DGKI: variants seen among roughly 807,000 people sequenced by gnomAD.
The protein encoded by DGKI is diacylglycerol kinase iota, also known as DAG kinase iota.
In DGKI, 55 loss-of-function variants were observed where a neutral mutation model predicts 147.5. That is an observed-to-expected ratio of 0.37 (90% CI 0.30 to 0.47). The LOEUF is 0.47. DGKI is among the 20% of genes least tolerant of loss of function. DGKI has a pLI of 1.00. For missense variants in DGKI, 1,007 were observed against 1,323.8 expected (o/e 0.76, Z 3.71); for synonymous variants, 469 against 477.1 (o/e 0.98, Z 0.22).
intron 21 of DGKI, among the ~76,000 whole-genome samples, chr7:137,497,058 T>TATTTG (rs1815992040): frequency 6.6e-6 from 1 of 151,124 alleles, no homozygotes; most frequent in Non-Finnish European, 1.5e-5. Context: ...AAATAATGCA[T>TATTTG]CTGACAAACG....
At chr7:137,399,097 T>C (rs983849946) in intron 30 of DGKI, among the ~76,000 whole-genome samples, 2 of 151,476 alleles carry the variant, frequency 1.3e-5, no homozygotes, top group African/African-American at 2.4e-5. Context: ...AACAGCCACC[T>C]ATCTAAATCT....
chr7:137,660,046 T>C (rs1168549257), intron 3 of DGKI, among the ~76,000 whole-genome samples: 1 of 152,190 alleles, frequency 6.6e-6, no homozygotes, highest in Non-Finnish European at 1.5e-5. Flanking sequence ...ATGAAACATG[T>C]TTAAAAATTA....
chr7:137,484,642 T>C (rs1585159956), intron 23 of DGKI, among the ~76,000 whole-genome samples: 1 of 152,038 alleles, frequency 6.6e-6, no homozygotes, highest in Admixed American at 6.6e-5. Flanking sequence ...CATAAGAGGA[T>C]GGCTGAAGAG....
intron 1 of DGKI, among the ~76,000 whole-genome samples, chr7:137,821,011 C>T (rs1423669605): frequency 2.0e-5 from 3 of 152,168 alleles, no homozygotes; most frequent in Non-Finnish European, 4.4e-5. Flanking sequence ...CAATTTGCAC[C>T]TCATTAGCAA....
At chr7:137,458,940 C>A (rs1814310884) in intron 27 of DGKI, among the ~76,000 whole-genome samples, 1 of 152,114 alleles carries the variant, frequency 6.6e-6, no homozygotes, top group Non-Finnish European at 1.5e-5. Flanking sequence ...TAATGTCAGT[C>A]AACCACTTCT....
At chr7:137,458,404 T>G (rs754410296) in intron 27 of DGKI, among the ~76,000 whole-genome samples, 6 of 152,132 alleles carry the variant, frequency 3.9e-5, no homozygotes, top group Non-Finnish European at 7.3e-5. Context: ...TGGCAAGATA[T>G]TATTTGTGTG....
intron 28 of DGKI, among the ~76,000 whole-genome samples, chr7:137,441,733 T>C (rs1420378125): frequency 6.6e-6 from 1 of 152,108 alleles, no homozygotes; most frequent in African/African-American, 2.4e-5. Context: ...GCAAACAAAA[T>C]AGAAAATCAA....
rs1283763520 is a variant in DGKI, at chr7:137,827,054, GA to G, written c.401+19407del. On this transcript the variant is annotated intron_variant, in intron 1 of 32. Coordinates refer to ENST00000614521, the MANE Select transcript of DGKI (RefSeq NM_001321708.2). ...TCAGCCACCATGGCCCCTGCAGACAGAACAGGGGTCCCCCTTCCTTCTTCAT... is the reference window on the plus strand; with the variant it reads ...TCAGCCACCATGGCCCCTGCAGACAGACAGGGGTCCCCCTTCCTTCTTCAT... 2.0e-5 allele frequency among the ~76,000 whole-genome samples: 3 copies of G among 152,134 alleles called. No homozygotes were observed. The East Asian group carries it at 5.8e-4, about 29-fold the overall frequency.
At chr7:137,516,530 A>C (rs1235275722) in intron 21 of DGKI, among the ~76,000 whole-genome samples, 1 of 152,020 alleles carries the variant, frequency 6.6e-6, no homozygotes, top group Non-Finnish European at 1.5e-5. Flanking sequence ...CCATAGCCCC[A>C]TCACAGTTAT....
At chr7:137,722,686 G>T in intron 1 of DGKI, 2 of 1,576,304 alleles carry the variant, frequency 1.3e-6, no homozygotes, top group Non-Finnish European at 1.7e-6. Flanking sequence ...TGAGATCTTC[G>T]ACACAGAAAA....
intron 23 of DGKI, among the ~76,000 whole-genome samples, chr7:137,477,979 A>C (rs1430370207): frequency 6.6e-6 from 1 of 152,182 alleles, no homozygotes; most frequent in Non-Finnish European, 1.5e-5. Flanking sequence ...ATTTTTAAAC[A>C]ACAATCCCCA....
chr7:137,588,517 T>C (rs576848956), intron 12 of DGKI, among the ~76,000 whole-genome samples: 2 of 145,256 alleles, frequency 1.4e-5, no homozygotes, highest in South Asian at 4.5e-4. Flanking sequence ...CAATCGGTCG[T>C]CCAGGCTGGA....
chr7:137,791,853 CAAATTATCATG>C (rs1339338857), intron 1 of DGKI, among the ~76,000 whole-genome samples: 1 of 152,150 alleles, frequency 6.6e-6, no homozygotes, highest in African/African-American at 2.4e-5. Context: ...ATTATGCTGT[CAAATTATCATG>C]AAATGTCTAG....
intron 1 of DGKI, among the ~76,000 whole-genome samples, chr7:137,828,034 C>T (rs538062361): frequency 6.6e-6 from 1 of 152,314 alleles, no homozygotes; most frequent in South Asian, 2.1e-4. Flanking sequence ...TCTCTCAGGG[C>T]TCCCCTATCC....
chr7:137,645,114 C>T (rs117155351), intron 6 of DGKI, among the ~76,000 whole-genome samples: 2,205 of 152,332 alleles, frequency 0.014, 34 homozygotes, highest in South Asian at 0.052. Flanking sequence ...TATTAGCAAA[C>T]GTAGTGTTGC....
chr7:137,478,338 C>T (rs1215627469), intron 23 of DGKI, among the ~76,000 whole-genome samples: 1 of 152,268 alleles, frequency 6.6e-6, no homozygotes, highest in African/African-American at 2.4e-5. Flanking sequence ...CATTCTTAAC[C>T]TACCATGACC....
chr7:137,742,648 G>A (rs995989331), intron 1 of DGKI, among the ~76,000 whole-genome samples: 1 of 152,070 alleles, frequency 6.6e-6, no homozygotes, highest in African/African-American at 2.4e-5. Flanking sequence ...ACACACTTAT[G>A]AGAATGAAAG....
intron 20 of DGKI, among the ~76,000 whole-genome samples, chr7:137,535,149 T>C (rs1341427181): frequency 6.6e-6 from 1 of 152,176 alleles, no homozygotes; most frequent in Admixed American, 6.6e-5. Flanking sequence ...AGTAAACTCA[T>C]ACAGGTATCT....
intron 1 of DGKI, among the ~76,000 whole-genome samples, chr7:137,712,650 CT>C (rs970439070): frequency 2.0e-5 from 3 of 152,148 alleles, no homozygotes; most frequent in African/African-American, 7.2e-5. Context: ...GAAGATTCCT[CT>C]TTTGGAAATG....
Sources: gnomAD v4.1 joint callset for allele counts (sites outside exome capture counted in the v4.1 genomes callset) on GRCh38, gnomAD v4.1.1 for gene constraint, MANE v1.5 for transcripts, NCBI Gene and HGNC (gene_info 2026-07-23, HGNC 2026-07-21) for gene names.